The following TRDN variants were observed in gnomAD, a reference collection of about 807,000 sequenced individuals.
TRDN encodes the protein triadin in skeletal muscle.
TRDN carries 161 observed loss-of-function variants against 149.7 expected under a neutral mutation model. The ratio of observed to expected loss-of-function variants is 1.08; its 90% CI spans 0.95 to 1.23. The LOEUF (loss-of-function observed/expected upper bound fraction) is 1.23, where lower values mean the gene tolerates loss of function less well. Ranked by LOEUF, TRDN falls within the 50% of genes most tolerant of loss-of-function variation. The probability of loss-of-function intolerance (pLI) is 0.00; values close to 1 mark genes in which losing one functional copy is unlikely to be tolerated. For missense variants in TRDN, 896 were observed against 823.5 expected (o/e 1.09, Z -1.08); for synonymous variants, 294 against 250.5 (o/e 1.17, Z -1.64).
At chr6:123,576,581 C>T (rs1375303670) in intron 1 of TRDN, among the ~76,000 whole-genome samples, 1 of 152,030 alleles carries the variant, frequency 6.6e-6, no homozygotes, top group Non-Finnish European at 1.5e-5. Context: ...GGAGTCTCTC[C>T]CAGGCCGCTT....
chr6:123,295,650 G>A (rs1047376207), intron 24 of TRDN, among the ~76,000 whole-genome samples: 1 of 152,006 alleles, frequency 6.6e-6, no homozygotes, highest in African/African-American at 2.4e-5. Flanking sequence ...ACATCACATT[G>A]TACCTCATAT....
intron 6 of TRDN, among the ~76,000 whole-genome samples, chr6:123,515,235 C>T (rs576026842): frequency 7.3e-5 from 11 of 151,188 alleles, no homozygotes; most frequent in African/African-American, 2.7e-4. Flanking sequence ...AAAGAGAACA[C>T]AAATAAAAAA....
At position 123,410,510 on chromosome 6, in the gene TRDN, C is replaced by A. The variant is rs532732778; in HGVS notation, c.1052-16833G>T. Among the ~76,000 whole-genome samples, 6 of 152,238 alleles carry A rather than the reference C, an allele frequency of 3.9e-5. No individual in the cohort carries two copies. In the East Asian group the frequency reaches 9.7e-4, roughly 25 times the overall value. ...TATAACATTTATTGTATTTTCTCTT[C>A]ACTTATTGAAACTAAAAGTATTTTA... On this transcript the variant is annotated intron_variant, in intron 12 of 40. Transcript: ENST00000334268.
At chr6:123,258,154 A>G (rs1776629712) in intron 35 of TRDN, among the ~76,000 whole-genome samples, 1 of 152,186 alleles carries the variant, frequency 6.6e-6, no homozygotes, top group Non-Finnish European at 1.5e-5. Flanking sequence ...TGCTCTGGCC[A>G]GAACTTCCAA....
intron 33 of TRDN, among the ~76,000 whole-genome samples, chr6:123,263,211 A>G (rs1157769668): frequency 1.3e-5 from 2 of 152,084 alleles, no homozygotes; most frequent in Non-Finnish European, 2.9e-5. Context: ...TGCTGAGACA[A>G]AGAAAGATTT....
chr6:123,606,420 T>A (rs931368661), intron 1 of TRDN, among the ~76,000 whole-genome samples: 3 of 152,106 alleles, frequency 2.0e-5, no homozygotes, highest in Non-Finnish European at 2.9e-5. Context: ...ACCATAGATT[T>A]TGTGTGTGTA....
At chr6:123,631,006 A>C (rs545339183) in intron 1 of TRDN, among the ~76,000 whole-genome samples, 76 of 151,700 alleles carry the variant, frequency 5.0e-4, no homozygotes, top group African/African-American at 1.8e-3. Flanking sequence ...AACTCCATGC[A>C]CTTACTACTC....
intron 20 of TRDN, among the ~76,000 whole-genome samples, chr6:123,355,112 T>A (rs1188416795): frequency 6.6e-6 from 1 of 151,570 alleles, no homozygotes; most frequent in Non-Finnish European, 1.5e-5. Context: ...TTTGCCTAAT[T>A]TTTTAATGTT....
At chr6:123,229,785 A>C (rs1035052695) in intron 38 of TRDN, among the ~76,000 whole-genome samples, 14 of 151,974 alleles carry the variant, frequency 9.2e-5, no homozygotes, top group African/African-American at 3.1e-4. Context: ...TATATGAGAA[A>C]ATGTAAAGTC....
chr6:123,543,634 C>A (rs1780963733), intron 4 of TRDN, among the ~76,000 whole-genome samples: 1 of 152,016 alleles, frequency 6.6e-6, no homozygotes, highest in Admixed American at 6.6e-5. Context: ...TGCATCCCTT[C>A]CTACAAGTTC....
At chr6:123,575,662 T>A (rs1471706843) in intron 1 of TRDN, among the ~76,000 whole-genome samples, 1 of 152,008 alleles carries the variant, frequency 6.6e-6, no homozygotes, top group Admixed American at 6.6e-5. Context: ...TCAAAAGAAG[T>A]AGGGATCTCA....
intron 1 of TRDN, among the ~76,000 whole-genome samples, chr6:123,584,227 G>A (rs951469667): frequency 1.3e-5 from 2 of 152,184 alleles, no homozygotes; most frequent in Admixed American, 6.5e-5. Flanking sequence ...AACAAAGAGT[G>A]AGTACAGCTG....
chr6:123,258,558 C>T (rs573150683), intron 35 of TRDN, among the ~76,000 whole-genome samples: 14 of 152,148 alleles, frequency 9.2e-5, no homozygotes, highest in South Asian at 8.3e-4. Flanking sequence ...TGAGGATTTT[C>T]GCATCGATAT....
intron 5 of TRDN, chr6:123,529,249 C>T: frequency 6.5e-7 from 1 of 1,548,874 alleles, no homozygotes; most frequent in African/African-American, 1.4e-5. Context: ...CCAGTTCAGT[C>T]ATGGTTCGCT....
chr6:123,604,877 G>A (rs1296178775), intron 1 of TRDN, among the ~76,000 whole-genome samples: 1 of 152,080 alleles, frequency 6.6e-6, no homozygotes, highest in African/African-American at 2.4e-5. Context: ...AGGAAAACAA[G>A]TAAGTTTGCT....
chr6:123,401,108 G>T (rs1304997949), intron 12 of TRDN, among the ~76,000 whole-genome samples: 1 of 152,088 alleles, frequency 6.6e-6, no homozygotes, highest in Non-Finnish European at 1.5e-5. Flanking sequence ...CAAATATGTG[G>T]CAATTATCCT....
At chr6:123,630,466 G>T (rs1160897675) in intron 1 of TRDN, among the ~76,000 whole-genome samples, 1 of 151,962 alleles carries the variant, frequency 6.6e-6, no homozygotes, top group Non-Finnish European at 1.5e-5. Context: ...AATGCCAACA[G>T]TATTGGAGGC....
chr6:123,347,475 T>C (rs1056162036), intron 21 of TRDN, among the ~76,000 whole-genome samples: 1 of 152,108 alleles, frequency 6.6e-6, no homozygotes, highest in African/African-American at 2.4e-5. Context: ...TTTTATGTCA[T>C]TTAATTTGGT....
intron 1 of TRDN, among the ~76,000 whole-genome samples, chr6:123,572,960 A>C (rs894344343): frequency 3.9e-5 from 6 of 152,104 alleles, no homozygotes; most frequent in African/African-American, 1.4e-4. Flanking sequence ...TTCTTTTAGA[A>C]TGTGTCCAAT....
Sources: allele counts gnomAD v4.1 joint callset (sites outside exome capture counted in the v4.1 genomes callset), GRCh38; gene constraint gnomAD v4.1.1; transcripts MANE v1.5; gene names NCBI Gene and HGNC (gene_info 2026-07-23, HGNC 2026-07-21).